Variants in USP35 observed in about 807,000 individuals in gnomAD.
USP35 encodes ubiquitin carboxyl-terminal hydrolase 35.
Under a neutral mutation model 83.8 loss-of-function variants are expected in USP35, and 69 were observed. That is an observed-to-expected ratio of 0.82 (90% CI 0.68 to 1.01). The LOEUF is 1.01. Among genes scored for constraint, USP35 ranks in the 50% least tolerant of loss-of-function variants. The pLI is 0.00. For synonymous variants in USP35, 714 were observed against 589.5 expected, an observed-to-expected ratio of 1.21 and a Z score of -3.06; for missense variants, 1,503 against 1,362.5, an observed-to-expected ratio of 1.10 and a Z score of -1.62.
intron 7 of USP35, among the ~76,000 whole-genome samples, chr11:78,206,370 G>A (rs1863530552): frequency 6.6e-6 from 1 of 152,224 alleles, no homozygotes; most frequent in African/African-American, 2.4e-5. Context: ...CCTGGTATTA[G>A]ACATCTCTCT....
intron 10 of USP35, among the ~76,000 whole-genome samples, chr11:78,212,196 A>C (rs1012669560): frequency 9.2e-5 from 14 of 152,146 alleles, no homozygotes; most frequent in African/African-American, 3.4e-4. Context: ...TTAAACAGGG[A>C]ATCTTTTACC....
rs769807977 is a variant in USP35 at position 78,208,962 on chromosome 11, C to T, written c.1591C>T (p.Arg531Trp). The T allele has an allele frequency of 1.4e-5, 22 of 1,613,774 alleles. No individual in the cohort carries two copies. In the East Asian group the frequency reaches 1.6e-4, roughly 11 times the overall value. ...CSEYLKYLLD[R>W]LHEEEKTGTR... ...GGAGTATCTGAAGTACCTGCTGGAT[C>T]GGTAAGGGGGCCAGGGCTACGCGAA... The change falls in exon 9 of 11, where the codon CGG (arginine) becomes TGG (tryptophan). Residue 531 changes from arginine to tryptophan, a missense_variant and splice_region_variant. Arg to Trp is a moderately radical substitution (Grantham distance 101). Coordinates refer to ENST00000529308, the MANE Select transcript of USP35 (RefSeq NM_020798.4).
chr11:78,199,574 C>T, intron 3 of USP35, 21 bp from the exon 4 acceptor site: 1 of 1,614,032 alleles, frequency 6.2e-7, no homozygotes, highest in Non-Finnish European at 8.5e-7. Context: ...GTCCCTGTGT[C>T]ACTGTCACTC....
chr11:78,220,195 T>C, downstream of USP35: 1 of 942,668 alleles, frequency 1.1e-6, no homozygotes, highest in Non-Finnish European at 1.6e-6. Context: ...TCATAAAAGC[T>C]GGGTACTGGA....
the USP35 span, among the ~76,000 whole-genome samples, chr11:78,227,809 C>G: frequency 3.8e-4 from 57 of 151,996 alleles, no homozygotes; most frequent in Admixed American, 2.9e-3. Context: ...CAAAAAAACA[C>G]ACGCCCCAAC....
the USP35 span, among the ~76,000 whole-genome samples, chr11:78,227,366 A>T: frequency 6.6e-6 from 1 of 152,214 alleles, no homozygotes; most frequent in African/African-American, 2.4e-5. Context: ...ATTCGAACAC[A>T]AATGTTGTGA....
chr11:78,209,954 C>G lies in USP35; in HGVS notation c.2099C>G (p.Thr700Ser). Residue 700 changes from threonine to serine, a missense_variant, in exon 10 of 11, where the codon ACC (threonine) becomes AGC (serine). Coordinates refer to ENST00000529308, the MANE Select transcript of USP35 (RefSeq NM_020798.4). ...KEEVGEEEES[T>S]RGEGEREKEE... ...GAAGTGGGGGAGGAGGAGGAAAGCA[C>G]CAGAGGGGAAGGAGAGAGGGAGAAA... The G allele has an allele frequency of 6.2e-7, 1 of 1,607,758 alleles. No individual in the cohort carries two copies. The highest frequency in any genetic ancestry group is 8.5e-7 in the Non-Finnish European group (1 of 1,177,200).
Position 78,196,739 on chromosome 11 carries a change from G to C in USP35, c.494G>C (p.Cys165Ser), listed in dbSNP as rs1863159770. The change falls in exon 2 of 11, where the codon TGC (cysteine) becomes TCC (serine). Residue 165 changes from cysteine (C) to serine (S), a missense_variant. Coordinates refer to ENST00000529308, the MANE Select transcript of USP35 (RefSeq NM_020798.4). The surrounding 1 kb of genome is among the most constrained non-coding windows in gnomAD (Gnocchi z 4.8). Reference protein sequence around the residue: ...VPDGPHRLLFCQQLVRCLGRF... With the variant: ...VPDGPHRLLFSQQLVRCLGRF... ...GACGGACCCCACCGCCTGCTCTTCT[G>C]CCAGCAGCTGGTGCGTTGCCTCGGC... 2 of 1,531,640 alleles carry C rather than the reference G, an allele frequency of 1.3e-6. No homozygotes were observed. Among genetic ancestry groups the C allele is most frequent in the Non-Finnish European group, 8.7e-7 (1 of 1,145,254 alleles). 94.9% of individuals were successfully genotyped at this position (1,531,640 alleles called of 1,614,324 possible).
In USP35 at chr11:78,188,940, A is replaced by T; in HGVS notation, c.-228A>T. The T allele has an allele frequency of 1.0e-6, 1 of 985,628 alleles. No individual in the cohort carries two copies. 61.1% of individuals were successfully genotyped at this position (985,628 alleles called of 1,614,324 possible). ...CCGCAGCCCCGGGGCCGCGCCGCAG[A>T]GTCGGGCTTCCTGGATACATAGAGG... On this transcript the variant is annotated 5_prime_UTR_variant, in exon 1 of 11. Transcript: ENST00000529308.
Position 78,196,220 on chromosome 11 carries a change from TC to T in USP35, c.-10-13del. ...CGCGGTTGTCGGGCTGTGACCTCATTCCCTGTCCTCCGCAGCGCGGGCGCCA... is the reference window on the plus strand; with the variant it reads ...CGCGGTTGTCGGGCTGTGACCTCATTCCTGTCCTCCGCAGCGCGGGCGCCA... On this transcript the variant is annotated splice_polypyrimidine_tract_variant and intron_variant, in intron 1 of 10. Transcript: ENST00000529308. This position sits in a 1 kb window ranked among gnomAD's most constrained non-coding sequence, Gnocchi z 4.8. 6.3e-7 allele frequency: 1 copy of T among 1,576,132 alleles called. No homozygotes were observed. Among genetic ancestry groups the T allele is most frequent in the Non-Finnish European group, 8.6e-7 (1 of 1,169,064 alleles).
rs1863620945 is a variant in USP35, at chr11:78,208,869, T to C, written c.1498T>C (p.Ser500Pro). Residue 500 changes from serine to proline, a missense_variant, in exon 9 of 11, where the codon TCC becomes CCC. Coordinates refer to ENST00000529308, the MANE Select transcript of USP35 (RefSeq NM_020798.4). ...FLEHSQRPAI[S>P]PENFLSASWT... is the part of the protein sequence containing the mutation. Reference sequence around the variant, plus strand: ...TGCCTTGTCCTAGCGGCCTGCCATTTCCCCAGAGAACTTCCTCTCCGCATC... The same window carrying C: ...TGCCTTGTCCTAGCGGCCTGCCATTCCCCCAGAGAACTTCCTCTCCGCATC... The C allele has an allele frequency of 1.4e-5, 23 of 1,614,126 alleles. No individual in the cohort carries two copies. The highest frequency in any genetic ancestry group is 1.9e-5 in the Non-Finnish European group (22 of 1,180,008).
downstream of USP35, among the ~76,000 whole-genome samples, chr11:78,219,797 T>G (rs537521362): frequency 5.9e-5 from 9 of 152,248 alleles, no homozygotes; most frequent in African/African-American, 2.2e-4. Flanking sequence ...CCACAGGACT[T>G]TACGTGCTGT....
chr11:78,206,701 C>T (rs1254987464), intron 7 of USP35, among the ~76,000 whole-genome samples: 2 of 152,326 alleles, frequency 1.3e-5, no homozygotes, highest in East Asian at 3.9e-4. Context: ...AAACGACTTA[C>T]TAGAAAAACG....
intron 1 of USP35, among the ~76,000 whole-genome samples, chr11:78,190,341 T>C (rs1318968868): frequency 6.6e-6 from 1 of 152,260 alleles, no homozygotes; most frequent in Non-Finnish European, 1.5e-5. Context: ...CAGTGACCTC[T>C]GTAGGGGCTT....
chr11:78,221,138 A>C, the USP35 span, among the ~76,000 whole-genome samples: 1 of 152,230 alleles, frequency 6.6e-6, no homozygotes, highest in Non-Finnish European at 1.5e-5. Context: ...TCTAATGAGA[A>C]GGTGATAGTC....
At chr11:78,199,304 C>A in intron 3 of USP35, 1 of 362,628 alleles carries the variant, frequency 2.8e-6, no homozygotes, top group South Asian at 3.5e-5. Flanking sequence ...GCAGAAGCAG[C>A]TGAAAGCCTT....
chr11:78,231,452 C>T, the USP35 span, among the ~76,000 whole-genome samples: 6 of 152,044 alleles, frequency 3.9e-5, no homozygotes, highest in Admixed American at 2.0e-4. Context: ...GGGTTCAAAG[C>T]GATTCTCCTG....
intron 6 of USP35, among the ~76,000 whole-genome samples, chr11:78,203,830 G>A (rs1195547781): frequency 1.3e-5 from 2 of 150,028 alleles, no homozygotes; most frequent in Non-Finnish European, 2.9e-5. Context: ...CAGCCATCTC[G>A]ACTTCCCAAA....
the USP35 span, chr11:78,220,503 A>C: frequency 6.8e-7 from 1 of 1,469,296 alleles, no homozygotes; most frequent in South Asian, 1.3e-5. Context: ...CCCACCACCC[A>C]GAAAAACACC....
Sources: gnomAD v4.1 joint callset for allele counts (sites outside exome capture counted in the v4.1 genomes callset) on GRCh38, gnomAD v4.1.1 for gene constraint, Gnocchi (gnomAD v3.1) non-coding constraint, MANE v1.5 for transcripts, NCBI Gene and HGNC (gene_info 2026-07-23, HGNC 2026-07-21) for gene names.